ASXL2: variants seen among roughly 807,000 people sequenced by gnomAD.
ASXL2 encodes the protein ASXL transcriptional regulator 2.
Under a neutral mutation model 122.0 loss-of-function variants are expected in ASXL2, and 23 were observed. The ratio of observed to expected loss-of-function variants is 0.19; its 90% CI spans 0.14 to 0.27. The LOEUF is 0.27. ASXL2 is among the 10% of genes least tolerant of loss of function. The pLI, the probability that ASXL2 is intolerant of heterozygous loss-of-function variation, is 1.00. For synonymous variants in ASXL2, 650 were observed against 637.0 expected, an observed-to-expected ratio of 1.02 and a Z score of -0.31; for missense variants, 1,518 against 1,713.8, an observed-to-expected ratio of 0.89 and a Z score of 2.02.
chr2:25,827,659 T>G (rs1465955582), intron 3 of ASXL2, among the ~76,000 whole-genome samples: 4 of 152,200 alleles, frequency 2.6e-5, no homozygotes, highest in Admixed American at 6.5e-5. Context: ...TTCTTCATAC[T>G]CTTTTCCTCC....
At chr2:25,816,655 T>C (rs1211231475) in intron 3 of ASXL2, among the ~76,000 whole-genome samples, 1 of 152,202 alleles carries the variant, frequency 6.6e-6, no homozygotes, top group Non-Finnish European at 1.5e-5. Flanking sequence ...TATAAGCCAC[T>C]GAAATTTTAA....
chr2:25,839,766 G>A (rs2149190376), intron 2 of ASXL2, among the ~76,000 whole-genome samples: 1 of 151,432 alleles, frequency 6.6e-6, no homozygotes, highest in Non-Finnish European at 1.5e-5. Context: ...TGGGAGGCTG[G>A]AGTTTGAATC....
At chr2:25,750,609 C>G (rs970018810) in intron 11 of ASXL2, among the ~76,000 whole-genome samples, 196 bp from the exon 12 acceptor site, 3 of 152,142 alleles carry the variant, frequency 2.0e-5, no homozygotes, top group Non-Finnish European at 2.9e-5. Context: ...GGCTCTGATA[C>G]CTACCGTCCG....
In ASXL2 at chr2:25,806,913, T is replaced by A. The variant is rs539018017; in HGVS notation, c.144-576A>T. Among the ~76,000 whole-genome samples, 4 of 151,864 alleles carry A rather than the reference T, an allele frequency of 2.6e-5. No individual in the cohort carries two copies. The South Asian group carries it at 8.3e-4, about 32-fold the overall frequency. On this transcript the variant is annotated intron_variant, in intron 3 of 12. Coordinates refer to ENST00000435504, the MANE Select transcript of ASXL2 (RefSeq NM_018263.6). ...CTTTACTAGAATTTCAGGTATATAA[T>A]AATCTATAGAAAAATATAAAATATA...
At chr2:25,862,558 T>C (rs2089852063) in intron 1 of ASXL2, among the ~76,000 whole-genome samples, 1 of 152,224 alleles carries the variant, frequency 6.6e-6, no homozygotes, top group South Asian at 2.1e-4. Flanking sequence ...GTGTGCATAC[T>C]ACACAACAGG....
intron 5 of ASXL2, among the ~76,000 whole-genome samples, chr2:25,781,059 CAAA>C (rs56394505): frequency 9.1e-5 from 10 of 109,860 alleles, no homozygotes; most frequent in Non-Finnish European, 1.3e-4. Flanking sequence ...ACTCCATCTC[CAAA>C]AAAAAAAAAA....
intron 1 of ASXL2, among the ~76,000 whole-genome samples, chr2:25,846,184 TAAAGAGGGC>T: frequency 1.3e-5 from 2 of 152,320 alleles, no homozygotes; most frequent in East Asian, 3.9e-4. Context: ...TGAGGCACAG[TAAAGAGGGC>T]ATTTCTAAAG....
chr2:25,769,658 T>C (rs1451279188), intron 6 of ASXL2, among the ~76,000 whole-genome samples: 1 of 151,168 alleles, frequency 6.6e-6, no homozygotes, highest in Non-Finnish European at 1.5e-5. Flanking sequence ...TAACTTAAGG[T>C]TTTCTTTAAA....
Position 25,769,986 on chromosome 2 carries a change from A to C in ASXL2, c.505-1118T>G, listed in dbSNP as rs116610228. ...TTATAATAGGTGAGGCAGAAGCACA[A>C]AGTACATAAAATGGCAGTATTGACT... is the stretch of plus-strand genomic sequence containing the variant. On this transcript the variant is annotated intron_variant, in intron 6 of 12. Coordinates refer to ENST00000435504, the MANE Select transcript of ASXL2 (RefSeq NM_018263.6). 2.4e-3 allele frequency among the ~76,000 whole-genome samples: 366 copies of C among 152,368 alleles called. 2 individuals are homozygous for C. The highest frequency in any genetic ancestry group is 8.4e-3 in the African/African-American group (349 of 41,586).
At chr2:25,858,945 C>T (rs2089814370) in intron 1 of ASXL2, among the ~76,000 whole-genome samples, 1 of 151,196 alleles carries the variant, frequency 6.6e-6, no homozygotes, top group Non-Finnish European at 1.5e-5. Flanking sequence ...TCCCGAGTAG[C>T]TGGGATTACA....
intron 8 of ASXL2, among the ~76,000 whole-genome samples, chr2:25,760,771 A>G (rs2088228136): frequency 6.6e-6 from 1 of 152,068 alleles, no homozygotes; most frequent in African/African-American, 2.4e-5. Flanking sequence ...AAGTTATGCC[A>G]CTACAAGAGA....
In ASXL2 at chr2:25,799,235, C is replaced by T. The variant is rs1026140543; in HGVS notation, c.403+150G>A. On this transcript the variant is annotated intron_variant, in intron 5 of 12. Transcript: ENST00000435504. ...TGGACAGTAAAGATATAAACATCTC[C>T]ATCATTGCAGAAAACTCTCCTTGAC... The T allele has an allele frequency of 2.0e-5, 20 of 1,014,456 alleles. No homozygotes were observed. In the Admixed American group the frequency reaches 3.0e-4, roughly 15 times the overall value. 62.8% of individuals were successfully genotyped at this position (1,014,456 alleles called of 1,614,324 possible). A position where few individuals can be genotyped will look rare whatever the true frequency, so the allele number is the denominator to read the frequency against.
intron 3 of ASXL2, among the ~76,000 whole-genome samples, chr2:25,832,522 T>C (rs1298994880): frequency 6.6e-6 from 1 of 151,608 alleles, no homozygotes; most frequent in Non-Finnish European, 1.5e-5. Flanking sequence ...ACTTTAAATA[T>C]AAATGGTGTA....
intron 3 of ASXL2, chr2:25,810,384 CAT>C (rs930655926): frequency 1.3e-5 from 9 of 668,194 alleles, no homozygotes; most frequent in African/African-American, 7.1e-5. Context: ...TAACAACCTT[CAT>C]ATCTCTCTCA....
In ASXL2 at chr2:25,744,241, T is replaced by C; in HGVS notation, c.2096A>G (p.Gln699Arg). 6.2e-7 allele frequency: 1 copy of C among 1,613,958 alleles called. No homozygotes were observed. Among genetic ancestry groups the C allele is most frequent in the Non-Finnish European group, 8.5e-7 (1 of 1,179,860 alleles). Residue 699 changes from glutamine to arginine, a missense_variant, in exon 13 of 13, where the codon CAA becomes CGA. Gln to Arg is a conservative substitution (Grantham distance 43). Coordinates refer to ENST00000435504, the MANE Select transcript of ASXL2 (RefSeq NM_018263.6). The surrounding 1 kb of genome is among the most constrained non-coding windows in gnomAD (Gnocchi z 4.7). ...TIPGPGPGGG[Q>R]GPGEGGEGQT... Reference sequence around the variant, plus strand: ...CCCTTCACCACCCTCTCCTGGACCTTGTCCACCCCCTGGGCCAGGTCCTGG... The same window carrying C: ...CCCTTCACCACCCTCTCCTGGACCTCGTCCACCCCCTGGGCCAGGTCCTGG...
chr2:25,747,268 T>G (rs1027246504), intron 12 of ASXL2, among the ~76,000 whole-genome samples: 2 of 152,082 alleles, frequency 1.3e-5, no homozygotes, highest in African/African-American at 4.8e-5. Context: ...TTATATACAT[T>G]TGTATATATA....
intron 1 of ASXL2, among the ~76,000 whole-genome samples, chr2:25,873,774 C>CA (rs1319668320): frequency 7.9e-5 from 12 of 151,512 alleles, no homozygotes; most frequent in Non-Finnish European, 4.4e-5. Context: ...ATTTTCCTCC[C>CA]AAAAAAACAC....
intron 5 of ASXL2, among the ~76,000 whole-genome samples, chr2:25,785,131 A>C (rs2088716601): frequency 6.6e-6 from 1 of 152,218 alleles, no homozygotes; most frequent in South Asian, 2.1e-4. Context: ...TACCATATTT[A>C]TGATGAATTT....
intron 3 of ASXL2, among the ~76,000 whole-genome samples, chr2:25,811,100 A>ACACACACACAC (rs1559518075): frequency 8.7e-5 from 13 of 149,720 alleles, no homozygotes; most frequent in African/African-American, 1.7e-4. Flanking sequence ...ACACACACAC[A>ACACACACACAC]AAATCAGCCA....
Sources: allele counts gnomAD v4.1 joint callset (sites outside exome capture counted in the v4.1 genomes callset), GRCh38; gene constraint gnomAD v4.1.1; non-coding constraint Gnocchi (gnomAD v3.1); transcripts MANE v1.5; gene names NCBI Gene and HGNC (gene_info 2026-07-23, HGNC 2026-07-21).